TMEM237: variants seen among roughly 807,000 people sequenced by gnomAD.
TMEM237 encodes amyotrophic lateral sclerosis 2 (juvenile) chromosome region, candidate 4.
In TMEM237, 51 loss-of-function variants were observed where a neutral mutation model predicts 59.1. The observed-to-expected ratio is 0.86, with a 90% CI of 0.69 to 1.09. The LOEUF (loss-of-function observed/expected upper bound fraction) is 1.09, where lower values mean the gene tolerates loss of function less well. Ranked by LOEUF, TMEM237 falls within the 50% of genes least tolerant of loss-of-function variation. The probability of loss-of-function intolerance (pLI) is 0.00; values close to 1 mark genes in which losing one functional copy is unlikely to be tolerated. For missense variants in TMEM237, 475 were observed against 478.3 expected (o/e 0.99, Z 0.06); for synonymous variants, 140 against 166.1 (o/e 0.84, Z 1.21).
chr2:201,632,798 A>G (rs1311393489), intron 6 of TMEM237, among the ~76,000 whole-genome samples: 1 of 152,224 alleles, frequency 6.6e-6, no homozygotes, highest in Non-Finnish European at 1.5e-5. Context: ...AGAACGGACT[A>G]ACACAGACAT....
At position 201,620,698 on chromosome 2, in the gene TMEM237, G is replaced by A. The variant is rs1368051463; in HGVS notation, c.*3557C>T. ...TAGAAGTATTTTTTGTGTGTGTCAG[G>A]TTGTGATGGCCTTTGTGCAAGGTGT... On this transcript the variant is annotated 3_prime_UTR_variant, in exon 13 of 13. Transcript: ENST00000409883. 1.3e-5 allele frequency: 2 copies of A among 152,208 alleles called. No individual in the cohort carries two copies. Among genetic ancestry groups the A allele is most frequent in the Non-Finnish European group, 2.9e-5 (2 of 68,060 alleles). 9.4% of individuals were successfully genotyped at this position (152,208 alleles called of 1,614,324 possible). A position where few individuals can be genotyped will look rare whatever the true frequency, so the allele number is the denominator to read the frequency against.
intron 5 of TMEM237, among the ~76,000 whole-genome samples, chr2:201,633,796 G>A (rs1352601291): frequency 1.3e-5 from 2 of 152,154 alleles, no homozygotes; most frequent in Non-Finnish European, 2.9e-5. Flanking sequence ...TCAGCAAAAG[G>A]AAAAAGTACA....
Sources: gnomAD v4.1 joint callset for allele counts (sites outside exome capture counted in the v4.1 genomes callset) on GRCh38, gnomAD v4.1.1 for gene constraint, MANE v1.5 for transcripts, NCBI Gene and HGNC (gene_info 2026-07-23, HGNC 2026-07-21) for gene names.